RWDD1: variants seen among roughly 807,000 people sequenced by gnomAD.
RWDD1 encodes the protein RWD domain containing 1.
RWDD1 carries 17 observed loss-of-function variants against 31.6 expected under a neutral mutation model. The observed-to-expected ratio is 0.54, with a 90% CI of 0.37 to 0.81. RWDD1 has a LOEUF of 0.81. RWDD1 is among the 30% of genes least tolerant of loss of function. RWDD1 has a pLI of 0.00. For synonymous variants in RWDD1, 78 were observed against 94.2 expected (o/e 0.83, Z 0.99); for missense variants, 204 against 274.5 (o/e 0.74, Z 1.82).
intron 1 of RWDD1, among the ~76,000 whole-genome samples, chr6:116,578,427 A>G (rs1774888870): frequency 6.6e-6 from 1 of 152,212 alleles, no homozygotes. Context: ...GCATAGCACA[A>G]GCACAAAGTG....
At chr6:116,572,139 AG>A (rs923047666) in intron 1 of RWDD1, among the ~76,000 whole-genome samples, 13 of 145,076 alleles carry the variant, frequency 9.0e-5, no homozygotes, top group Admixed American at 3.6e-4. Flanking sequence ...TAGTCCCTGA[AG>A]TCTGTCGGGT....
intron 1 of RWDD1, among the ~76,000 whole-genome samples, chr6:116,573,203 C>T (rs544276675): frequency 6.6e-6 from 1 of 152,338 alleles, no homozygotes; most frequent in Non-Finnish European, 1.5e-5. Context: ...CTCGCTAAAT[C>T]CTATGCATAT....
chr6:116,581,961 T>C (rs1025967909), intron 2 of RWDD1, among the ~76,000 whole-genome samples: 2 of 152,060 alleles, frequency 1.3e-5, no homozygotes, highest in African/African-American at 4.8e-5. Flanking sequence ...TATGGTTGTA[T>C]TGAATAAAGA....
intron 1 of RWDD1, among the ~76,000 whole-genome samples, chr6:116,576,135 A>G (rs997008131): frequency 1.3e-5 from 2 of 152,192 alleles, no homozygotes; most frequent in African/African-American, 4.8e-5. Context: ...TGGCAACTTT[A>G]TGTAGTGTCC....
chr6:116,581,373 T>A (rs1774944888), intron 2 of RWDD1, among the ~76,000 whole-genome samples: 1 of 152,022 alleles, frequency 6.6e-6, no homozygotes, highest in Admixed American at 6.5e-5. Flanking sequence ...ATAATCCAAA[T>A]AAAATTTTCT....
At position 116,571,507 on chromosome 6, in the gene RWDD1, C is replaced by G. The variant is rs866517408; in HGVS notation, c.-76C>G. 2.7e-6 allele frequency: 4 copies of G among 1,479,682 alleles called. No individual in the cohort carries two copies. The highest frequency in any genetic ancestry group is 3.6e-6 in the Non-Finnish European group (4 of 1,097,668). 91.7% of individuals were successfully genotyped at this position (1,479,682 alleles called of 1,614,324 possible). On this transcript the variant is annotated 5_prime_UTR_variant, in exon 1 of 7. Coordinates refer to ENST00000466444, the MANE Select transcript of RWDD1 (RefSeq NM_015952.4). ...GCCCGCCTGGCCGCCGCCCGCTCTC[C>G]CGGCGCGGCAGCTGTCTGGGCTGCT...
chr6:116,580,128 G>T (rs1774923111), intron 1 of RWDD1, 167 bp from the exon 2 acceptor site: 2 of 387,738 alleles, frequency 5.2e-6, no homozygotes, highest in Admixed American at 8.9e-5. Flanking sequence ...TAAATAGAAA[G>T]TTGATGGTAA....
intron 1 of RWDD1, among the ~76,000 whole-genome samples, chr6:116,575,841 A>G (rs1470082603): frequency 6.6e-6 from 1 of 152,210 alleles, no homozygotes; most frequent in Non-Finnish European, 1.5e-5. Context: ...AGCAGGATGA[A>G]TAAAGGAAGG....
chr6:116,589,931 T>C (rs1775108424), intron 4 of RWDD1, among the ~76,000 whole-genome samples: 1 of 152,188 alleles, frequency 6.6e-6, no homozygotes, highest in African/African-American at 2.4e-5. Flanking sequence ...GGAGATACAA[T>C]TCAAGTTGAG....
intron 6 of RWDD1, among the ~76,000 whole-genome samples, chr6:116,592,226 CT>C (rs1775158025): frequency 6.6e-6 from 1 of 152,158 alleles, no homozygotes; most frequent in Non-Finnish European, 1.5e-5. Context: ...GGAATTTCAT[CT>C]TCCAGTTAGA....
chr6:116,581,932 C>T (rs1562377445), intron 2 of RWDD1, among the ~76,000 whole-genome samples: 3 of 151,900 alleles, frequency 2.0e-5, no homozygotes, highest in Non-Finnish European at 2.9e-5. Flanking sequence ...TAAACAGTGA[C>T]ATACTTATAA....
At chr6:116,573,919 A>G (rs1249119936) in intron 1 of RWDD1, 4 of 712,670 alleles carry the variant, frequency 5.6e-6, no homozygotes, top group Non-Finnish European at 6.9e-6. Context: ...AGTCCAGCCT[A>G]TAGACCTAGG....
intron 1 of RWDD1, among the ~76,000 whole-genome samples, chr6:116,575,370 G>A (rs1774820737): frequency 6.6e-6 from 1 of 152,086 alleles, no homozygotes; most frequent in Non-Finnish European, 1.5e-5. Flanking sequence ...ATAAGCGTGA[G>A]TCACCATGCC....
chr6:116,590,617 A>G lies in RWDD1; in HGVS notation c.547+213A>G, dbSNP rs529940470. On this transcript the variant is annotated intron_variant, in intron 5 of 6. Coordinates refer to ENST00000466444, the MANE Select transcript of RWDD1 (RefSeq NM_015952.4). ...CTTTGATATAAGTATTATAATTACT[A>G]GATCCTGTGATAGAAGGACATTCAG... Among the ~76,000 whole-genome samples the G allele has an allele frequency of 5.9e-5, 9 of 152,306 alleles. No individual in the cohort carries two copies. In the South Asian group the frequency reaches 1.9e-3, roughly 32 times the overall value.
chr6:116,582,295 C>T (rs1386843868), intron 2 of RWDD1, among the ~76,000 whole-genome samples: 1 of 149,230 alleles, frequency 6.7e-6, no homozygotes, highest in Non-Finnish European at 1.5e-5. Context: ...TGGTTAAATG[C>T]ATTTTAATAT....
rs750859193 is a variant in RWDD1, at chr6:116,580,334, C to G, written c.113C>G (p.Thr38Arg). The G allele has an allele frequency of 6.2e-7, 1 of 1,600,698 alleles. No individual in the cohort carries two copies. The highest frequency in any genetic ancestry group is 1.3e-5 in the African/African-American group (1 of 74,624). Residue 38 changes from threonine (T) to arginine (R), a missense_variant, in exon 2 of 7, where the codon ACG becomes AGG. By Grantham distance (71) the Thr-to-Arg change is moderately conservative. Transcript: ENST00000466444. ...ENPPSFTITV[T>R]SEAGENDETV... ...CCACCCAGCTTCACCATTACTGTGA[C>G]GTCTGAGGCTGGAGAAAATGATGAA...
Position 116,572,062 on chromosome 6 carries a change from A to G in RWDD1, c.73+407A>G, listed in dbSNP as rs564314665. On this transcript the variant is annotated intron_variant, in intron 1 of 6. Transcript: ENST00000466444. ...TAAGGTAGAAACTGTTTTTCATACG[A>G]TGCTGTTTTAGTTTATAGGATTCAG... 1.1e-4 allele frequency among the ~76,000 whole-genome samples: 16 copies of G among 151,902 alleles called. No homozygotes were observed. The South Asian group carries it at 2.9e-3, about 28-fold the overall frequency.
chr6:116,591,095 T>TA, intron 6 of RWDD1, 145 bp downstream of exon 6: 2 of 1,022,106 alleles, frequency 2.0e-6, no homozygotes, highest in Non-Finnish European at 2.5e-6. Flanking sequence ...ACCCTGACTC[T>TA]ATTAAAAAAA....
At chr6:116,578,438 A>G (rs1000910632) in intron 1 of RWDD1, among the ~76,000 whole-genome samples, 1 of 152,206 alleles carries the variant, frequency 6.6e-6, no homozygotes, top group Non-Finnish European at 1.5e-5. Context: ...GCACAAAGTG[A>G]TGCTCAGTAA....
Sources: allele counts gnomAD v4.1 joint callset (sites outside exome capture counted in the v4.1 genomes callset), GRCh38; gene constraint gnomAD v4.1.1; transcripts MANE v1.5; gene names NCBI Gene and HGNC (gene_info 2026-07-23, HGNC 2026-07-21).